Variants in ZNF711 observed in about 807,000 individuals in gnomAD.
ZNF711 encodes the protein ZFX family zinc finger ZNF711.
ZNF711 carries 3 observed loss-of-function variants against 43.5 expected under a neutral mutation model. The ratio of observed to expected loss-of-function variants is 0.07; its 90% CI spans 0.03 to 0.18. ZNF711 has a LOEUF of 0.18. Ranked by LOEUF, ZNF711 falls within the 10% of genes least tolerant of loss-of-function variation. The pLI is 1.00. For synonymous variants in ZNF711, 209 were observed against 207.7 expected (o/e 1.01, Z -0.06); for missense variants, 412 against 604.0 (o/e 0.68, Z 3.33).
chrX:85,257,260 C>G (rs191211779), intron 5 of ZNF711, among the ~76,000 whole-genome samples: 1 of 110,785 alleles, frequency 9.0e-6, no homozygotes, highest in Non-Finnish European at 1.9e-5. Context: ...TATGAATGAT[C>G]CCATCTCCTA....
At chrX:85,254,104 G>C (rs1929805372) in intron 4 of ZNF711, among the ~76,000 whole-genome samples, 1 of 111,440 alleles carries the variant, frequency 9.0e-6, no homozygotes, top group South Asian at 3.7e-4. Flanking sequence ...TAGCTACTAT[G>C]AGCTGTTAGG....
Position 85,271,486 on chromosome X carries a change from G to C in ZNF711, c.2082G>C (p.Gln694His). The C allele has an allele frequency of 2.5e-6, 3 of 1,211,360 alleles. No homozygotes were observed. In the South Asian group the frequency reaches 5.3e-5, roughly 21 times the overall value. ...TCCATAAGGGTAGGAAGATTCATCA[G>C]TGCAGGCACTGTGACTTTAAAACAT... The part of the protein sequence containing the change: ...SDIHKGRKIH[Q>H]CRHCDFKTSD... The change falls in exon 11 of 11, where the codon CAG becomes CAC. Residue 694 changes from glutamine to histidine, a missense_variant. Around this residue, in one of 4 missense-constraint regions of ZNF711, gnomAD observed 25 missense variants for 52.9 expected, o/e 0.47. Coordinates refer to ENST00000674551, the MANE Select transcript of ZNF711 (RefSeq NM_001330574.2).
rs1418081044 is a variant in ZNF711 at position 85,267,308 on chromosome X, T to C, written c.947T>C (p.Met316Thr). 1 of 1,139,864 alleles carries C rather than the reference T, an allele frequency of 8.8e-7. No individual in the cohort carries two copies. Among genetic ancestry groups the C allele is most frequent in the African/African-American group, 1.8e-5 (1 of 54,763 alleles). 93.9% of individuals were successfully genotyped at this position (1,139,864 alleles called of 1,213,427 possible). A position where few individuals can be genotyped will look rare whatever the true frequency, so the allele number is the denominator to read the frequency against. ...SCAEIADEVY[M>T]EVIVGEEEGT... ...GCTGAAATAGCAGATGAAGTTTACA[T>C]GGAAGTCATTGTAGGGGAAGAGGAA... Residue 316 changes from methionine (M) to threonine (T), a missense_variant, in exon 8 of 11, where the codon ATG becomes ACG. Met to Thr is a moderately conservative substitution (Grantham distance 81). This residue lies in a region of ZNF711 where 375 missense variants were observed against 514.2 expected (regional missense o/e 0.73). Transcript: ENST00000674551.
At chrX:85,249,086 T>C (rs1486411465) in intron 4 of ZNF711, among the ~76,000 whole-genome samples, 1 of 112,034 alleles carries the variant, frequency 8.9e-6, no homozygotes, top group African/African-American at 3.2e-5. Context: ...ATTGATGAAA[T>C]ATAAAGAAAT....
chrX:85,261,196 T>C (rs1180155692), intron 5 of ZNF711, among the ~76,000 whole-genome samples: 2 of 110,780 alleles, frequency 1.8e-5, no homozygotes, highest in African/African-American at 6.5e-5. Flanking sequence ...ACCTATGTTA[T>C]TCAAGGGTCA....
chrX:85,247,537 T>C lies in ZNF711; in HGVS notation c.-26-10T>C, dbSNP rs1233891723. ...ATATTAAACTATTTTAAAAGCCATT[T>C]CTTTTGCAGATATTGGTGAATGAAC... On this transcript the variant is annotated splice_polypyrimidine_tract_variant and intron_variant, in intron 3 of 10. Coordinates refer to ENST00000674551, the MANE Select transcript of ZNF711 (RefSeq NM_001330574.2). 1 of 1,127,843 alleles carries C rather than the reference T, an allele frequency of 8.9e-7. No homozygotes were observed. The highest frequency in any genetic ancestry group is 1.2e-6 in the Non-Finnish European group (1 of 828,060). 92.9% of individuals were successfully genotyped at this position (1,127,843 alleles called of 1,213,427 possible). A position where few individuals can be genotyped will look rare whatever the true frequency, so the allele number is the denominator to read the frequency against.
chrX:85,253,798 C>CACACAG (rs1215733849), intron 4 of ZNF711, among the ~76,000 whole-genome samples: 1 of 109,559 alleles, frequency 9.1e-6, no homozygotes, highest in African/African-American at 3.4e-5. Context: ...CACACACACA[C>CACACAG]ACAGACACCC....
intron 5 of ZNF711, among the ~76,000 whole-genome samples, chrX:85,257,186 G>T (rs1333205102): frequency 1.8e-5 from 2 of 111,425 alleles, no homozygotes; most frequent in Non-Finnish European, 3.8e-5. Context: ...ACTCCTTTGA[G>T]GAATATAATT....
At chrX:85,269,205 A>G (rs766393078) in intron 9 of ZNF711, among the ~76,000 whole-genome samples, 141 of 111,106 alleles carry the variant, frequency 1.3e-3, no homozygotes, top group South Asian at 4.9e-3. Context: ...TTCGTTTTTT[A>G]TGCATTACAC....
At chrX:85,264,462 A>G in intron 6 of ZNF711, 32 bp downstream of exon 6, 1 of 1,147,924 alleles carries the variant, frequency 8.7e-7, no homozygotes, top group Non-Finnish European at 1.2e-6. Context: ...TATTGCTCCA[A>G]TAGGAGTTAT....
chrX:85,256,399 A>G (rs1264860596), intron 5 of ZNF711, among the ~76,000 whole-genome samples: 2 of 111,975 alleles, frequency 1.8e-5, no homozygotes, highest in African/African-American at 6.5e-5. Context: ...AAGCGGGAAG[A>G]TAGAAATATT....
chrX:85,265,340 A>G, intron 7 of ZNF711, 85 bp downstream of exon 7: 5 of 1,017,732 alleles, frequency 4.9e-6, no homozygotes, highest in Admixed American at 2.3e-5. Flanking sequence ...AGCACTGTAT[A>G]GGAACAAAGT....
chrX:85,250,747 C>T (rs1192141999), intron 4 of ZNF711, among the ~76,000 whole-genome samples: 1 of 111,374 alleles, frequency 9.0e-6, no homozygotes, highest in African/African-American at 3.3e-5. Context: ...CTCATTTGTG[C>T]CTAGGGATAA....
chrX:85,268,700 G>A (rs1463159461), intron 9 of ZNF711, among the ~76,000 whole-genome samples: 1 of 111,306 alleles, frequency 9.0e-6, no homozygotes, highest in Admixed American at 9.6e-5. Context: ...TTTTGGGGCA[G>A]AACTGTTTTC....
intron 9 of ZNF711, among the ~76,000 whole-genome samples, chrX:85,269,625 C>T (rs1002514787): frequency 9.0e-6 from 1 of 110,974 alleles, no homozygotes; most frequent in Non-Finnish European, 1.9e-5. Flanking sequence ...AGTCCTGCCT[C>T]AGCCTCCCAA....
chrX:85,260,779 G>T (rs1930568864), intron 5 of ZNF711, among the ~76,000 whole-genome samples: 1 of 110,306 alleles, frequency 9.1e-6, no homozygotes, highest in Admixed American at 9.7e-5. Context: ...TTTGACCCTT[G>T]AACAATGCAG....
intron 9 of ZNF711, among the ~76,000 whole-genome samples, chrX:85,269,093 C>T (rs1414503729): frequency 9.0e-6 from 1 of 111,481 alleles, no homozygotes; most frequent in African/African-American, 3.3e-5. Flanking sequence ...ACTGAAATTG[C>T]AATAAATTGC....
intron 5 of ZNF711, among the ~76,000 whole-genome samples, chrX:85,258,606 C>G (rs1930382333): frequency 9.1e-6 from 1 of 110,125 alleles, no homozygotes; most frequent in African/African-American, 3.3e-5. Flanking sequence ...TGGTCATTCT[C>G]ACTGGTGTGA....
chrX:85,266,066 C>T (rs970591481), intron 7 of ZNF711, among the ~76,000 whole-genome samples: 10 of 111,319 alleles, frequency 9.0e-5, no homozygotes, highest in African/African-American at 3.3e-4. Context: ...GCAGCCCTTT[C>T]CTAAGGCTAT....
Sources: allele counts gnomAD v4.1 joint callset (sites outside exome capture counted in the v4.1 genomes callset), GRCh38; gene constraint gnomAD v4.1.1; regional missense constraint gnomAD v4.1.1; transcripts MANE v1.5; gene names NCBI Gene and HGNC (gene_info 2026-07-23, HGNC 2026-07-21).